UST: variants seen among roughly 807,000 people sequenced by gnomAD.
UST encodes the protein chondroitin sulfate 2-O-sulfotransferase.
UST carries 21 observed loss-of-function variants against 45.6 expected under a neutral mutation model. The ratio of observed to expected loss-of-function variants is 0.46; its 90% CI spans 0.33 to 0.66. UST has a LOEUF of 0.66. Among genes scored for constraint, UST ranks in the 30% least tolerant of loss-of-function variants. The probability of loss-of-function intolerance (pLI) is 0.02; values close to 1 mark genes in which losing one functional copy is unlikely to be tolerated. For missense variants in UST, 463 were observed against 512.4 expected (o/e 0.90, Z 0.93); for synonymous variants, 215 against 200.6 (o/e 1.07, Z -0.61).
At chr6:148,900,577 G>A (rs1779232667) in intron 2 of UST, among the ~76,000 whole-genome samples, 1 of 152,202 alleles carries the variant, frequency 6.6e-6, no homozygotes, top group African/African-American at 2.4e-5. Flanking sequence ...GTGGAACTGT[G>A]AGTCCATTAA....
At chr6:148,921,529 T>C (rs1474982332) in intron 2 of UST, among the ~76,000 whole-genome samples, 1 of 152,298 alleles carries the variant, frequency 6.6e-6, no homozygotes, top group Admixed American at 6.5e-5. Flanking sequence ...ACTCTACCTC[T>C]CCAGGGACTC....
intron 2 of UST, among the ~76,000 whole-genome samples, chr6:148,897,718 T>C (rs1779164314): frequency 6.6e-6 from 1 of 151,864 alleles, no homozygotes; most frequent in Non-Finnish European, 1.5e-5. Context: ...CTTGAACCCC[T>C]GGCTTCAAGT....
At chr6:149,072,963 A>T (rs1157208619) in intron 7 of UST, among the ~76,000 whole-genome samples, 3 of 152,248 alleles carry the variant, frequency 2.0e-5, no homozygotes, top group African/African-American at 7.2e-5. Context: ...CAACACTGTA[A>T]ATATAATTAA....
intron 1 of UST, among the ~76,000 whole-genome samples, chr6:148,836,908 G>T (rs1484108417): frequency 1.3e-5 from 2 of 152,114 alleles, no homozygotes; most frequent in African/African-American, 4.8e-5. Context: ...TACATTTGGG[G>T]GACTGGACTA....
chr6:149,005,062 G>T (rs941502772), intron 5 of UST, among the ~76,000 whole-genome samples: 8 of 151,804 alleles, frequency 5.3e-5, no homozygotes, highest in Non-Finnish European at 1.2e-4. Flanking sequence ...CTGGTGATCA[G>T]ATGTCTTGAG....
intron 5 of UST, among the ~76,000 whole-genome samples, chr6:148,966,112 G>A (rs1780791513): frequency 1.3e-5 from 2 of 151,854 alleles, no homozygotes; most frequent in East Asian, 1.9e-4. Flanking sequence ...TGATCCCAGC[G>A]AATTGGGAGG....
At chr6:148,870,214 C>T (rs1304935785) in intron 1 of UST, among the ~76,000 whole-genome samples, 1 of 152,018 alleles carries the variant, frequency 6.6e-6, no homozygotes, top group Non-Finnish European at 1.5e-5. Flanking sequence ...TGAACCCAGT[C>T]CGAGCCCAGC....
chr6:148,809,295 G>A (rs551615275), intron 1 of UST, among the ~76,000 whole-genome samples: 9 of 151,988 alleles, frequency 5.9e-5, no homozygotes, highest in Admixed American at 1.3e-4. Context: ...TAAACCACAC[G>A]GAATTTCTTA....
At chr6:148,761,870 G>A (rs190572483) in intron 1 of UST, among the ~76,000 whole-genome samples, 55 of 152,300 alleles carry the variant, frequency 3.6e-4, no homozygotes, top group African/African-American at 1.3e-3. Context: ...AATGTGTTGC[G>A]TGCTCTCCCA....
At chr6:148,843,686 C>T (rs1777928790) in intron 1 of UST, among the ~76,000 whole-genome samples, 1 of 152,224 alleles carries the variant, frequency 6.6e-6, no homozygotes, top group Non-Finnish European at 1.5e-5. Flanking sequence ...CTACCTAAAA[C>T]TACATCATCT....
intron 1 of UST, among the ~76,000 whole-genome samples, chr6:148,809,118 C>T (rs1777204775): frequency 6.6e-6 from 1 of 152,248 alleles, no homozygotes; most frequent in Admixed American, 6.5e-5. Context: ...AAACTCCTGT[C>T]ACCAACTCAA....
chr6:149,049,022 C>T (rs6915298), intron 7 of UST, among the ~76,000 whole-genome samples: 98,710 of 152,008 alleles, frequency 0.65, 33,175 homozygotes, highest in African/African-American at 0.82. Flanking sequence ...AAATCCTGTA[C>T]CTTGATTGTG....
intron 1 of UST, among the ~76,000 whole-genome samples, chr6:148,759,427 T>G (rs1020564724): frequency 5.3e-5 from 8 of 151,320 alleles, no homozygotes; most frequent in Non-Finnish European, 1.2e-4. Flanking sequence ...CTAGGGAGGC[T>G]GAGGCAGGAG....
rs75468087 is a variant in UST, at chr6:149,049,316, T to G, written c.938-24517T>G. Among the ~76,000 whole-genome samples, 705 of 152,332 alleles carry G rather than the reference T, an allele frequency of 4.6e-3. 11 individuals are homozygous for G. Among genetic ancestry groups the G allele is most frequent in the African/African-American group, 0.016 (651 of 41,572 alleles). ...ATATACCAAAAACAGTTAAATGACATAGCTGATTGCTTGAAATATGATGTG... is the reference window on the plus strand; with the variant it reads ...ATATACCAAAAACAGTTAAATGACAGAGCTGATTGCTTGAAATATGATGTG... On this transcript the variant is annotated intron_variant, in intron 7 of 7. Transcript: ENST00000367463.
At chr6:148,779,363 A>G (rs1776594892) in intron 1 of UST, among the ~76,000 whole-genome samples, 1 of 152,214 alleles carries the variant, frequency 6.6e-6, no homozygotes, top group African/African-American at 2.4e-5. Flanking sequence ...TTTCAAGGGA[A>G]TCTCTTTGAC....
intron 1 of UST, among the ~76,000 whole-genome samples, chr6:148,767,042 C>A (rs2114667264): frequency 6.6e-6 from 1 of 152,328 alleles, no homozygotes; most frequent in South Asian, 2.1e-4. Context: ...TGTAGCAGGT[C>A]TGGAACTGGG....
At chr6:148,996,377 C>G (rs1421895730) in intron 5 of UST, among the ~76,000 whole-genome samples, 2 of 152,120 alleles carry the variant, frequency 1.3e-5, no homozygotes, top group African/African-American at 4.8e-5. Flanking sequence ...TGCCACCATG[C>G]CCAGCTAATT....
chr6:148,944,372 C>T (rs1413362326), intron 3 of UST, among the ~76,000 whole-genome samples: 1 of 152,116 alleles, frequency 6.6e-6, no homozygotes, highest in Non-Finnish European at 1.5e-5. Flanking sequence ...AAACTACTGA[C>T]TTACAAATGA....
intron 5 of UST, among the ~76,000 whole-genome samples, chr6:148,996,136 T>C (rs551076067): frequency 2.0e-5 from 3 of 152,302 alleles, no homozygotes; most frequent in African/African-American, 2.4e-5. Flanking sequence ...ATTCTTCCAC[T>C]CTCTGGCTTT....
Sources: gnomAD v4.1 joint callset for allele counts (sites outside exome capture counted in the v4.1 genomes callset) on GRCh38, gnomAD v4.1.1 for gene constraint, MANE v1.5 for transcripts, NCBI Gene and HGNC (gene_info 2026-07-23, HGNC 2026-07-21) for gene names.